NKAIN2: variants seen among roughly 807,000 people sequenced by gnomAD.
The protein encoded by NKAIN2 is sodium/potassium-transporting ATPase subunit beta-1-interacting protein 2.
NKAIN2 carries 14 observed loss-of-function variants against 32.6 expected under a neutral mutation model. That is an observed-to-expected ratio of 0.43 (90% CI 0.28 to 0.67). The LOEUF (loss-of-function observed/expected upper bound fraction) is 0.67. Among genes scored for constraint, NKAIN2 ranks in the 30% least tolerant of loss-of-function variants. The pLI is 0.17. For synonymous variants in NKAIN2, 80 were observed against 87.2 expected, an observed-to-expected ratio of 0.92 and a Z score of 0.46; for missense variants, 198 against 258.3, an observed-to-expected ratio of 0.77 and a Z score of 1.60.
chr6:124,516,533 T>C (rs1161648193), intron 3 of NKAIN2, among the ~76,000 whole-genome samples: 3 of 152,188 alleles, frequency 2.0e-5, no homozygotes, highest in Non-Finnish European at 1.5e-5. Flanking sequence ...TTCATGAAGA[T>C]TGTAAAATCA....
At chr6:124,110,342 G>T in intron 1 of NKAIN2, among the ~76,000 whole-genome samples, 1 of 151,770 alleles carries the variant, frequency 6.6e-6, no homozygotes. Flanking sequence ...CTCATAATAA[G>T]GAAAAATTGT....
chr6:123,824,427 G>C (rs1326827057), intron 1 of NKAIN2, among the ~76,000 whole-genome samples: 22 of 152,188 alleles, frequency 1.4e-4, no homozygotes, highest in East Asian at 1.9e-4. Context: ...ACATTACCTA[G>C]TAAAAACTAA....
At chr6:123,946,933 C>T (rs958554373) in intron 1 of NKAIN2, among the ~76,000 whole-genome samples, 7 of 152,124 alleles carry the variant, frequency 4.6e-5, no homozygotes, top group South Asian at 4.1e-4. Flanking sequence ...TACTGGGAAA[C>T]GATCATTCAA....
At chr6:123,868,372 T>A in intron 1 of NKAIN2, among the ~76,000 whole-genome samples, 1 of 152,184 alleles carries the variant, frequency 6.6e-6, no homozygotes, top group African/African-American at 2.4e-5. Context: ...TATGCATAAA[T>A]TAAGCTTCAC....
At chr6:124,803,731 T>C (rs1419636652) in intron 5 of NKAIN2, among the ~76,000 whole-genome samples, 2 of 152,152 alleles carry the variant, frequency 1.3e-5, no homozygotes, top group Non-Finnish European at 2.9e-5. Flanking sequence ...TATAAAATTT[T>C]AGTAAATTCT....
chr6:124,202,410 G>A (rs1790637021), intron 1 of NKAIN2, among the ~76,000 whole-genome samples: 1 of 151,822 alleles, frequency 6.6e-6, no homozygotes, highest in Admixed American at 6.6e-5. Context: ...GGAGTTAGGT[G>A]AGCATATTAA....
At chr6:124,426,735 C>T (rs1163627290) in intron 3 of NKAIN2, among the ~76,000 whole-genome samples, 2 of 152,038 alleles carry the variant, frequency 1.3e-5, no homozygotes, top group African/African-American at 2.4e-5. Flanking sequence ...ATTATAGCTC[C>T]CATAATTCCC....
At chr6:124,308,089 G>A (rs1225423498) in intron 2 of NKAIN2, among the ~76,000 whole-genome samples, 1 of 152,042 alleles carries the variant, frequency 6.6e-6, no homozygotes, top group Non-Finnish European at 1.5e-5. Context: ...CTGTCATCTA[G>A]GTTTTAAGCC....
At chr6:124,384,078 A>G (rs1338996252) in intron 3 of NKAIN2, among the ~76,000 whole-genome samples, 1 of 152,178 alleles carries the variant, frequency 6.6e-6, no homozygotes, top group Admixed American at 6.5e-5. Context: ...ATTCTCTAGG[A>G]ACATAATAGA....
chr6:123,927,968 C>A (rs1026640445), intron 1 of NKAIN2, among the ~76,000 whole-genome samples: 1 of 152,032 alleles, frequency 6.6e-6, no homozygotes, highest in Admixed American at 6.6e-5. Context: ...ACCATGAGCC[C>A]AGTTCAAGCT....
chr6:124,336,635 T>C (rs192799965), intron 2 of NKAIN2, among the ~76,000 whole-genome samples: 1 of 152,140 alleles, frequency 6.6e-6, no homozygotes, highest in African/African-American at 2.4e-5. Context: ...TTTTCTTATG[T>C]GTAGCCAAAA....
chr6:124,076,244 A>G (rs1783690596), intron 1 of NKAIN2, among the ~76,000 whole-genome samples: 1 of 152,216 alleles, frequency 6.6e-6, no homozygotes, highest in Admixed American at 6.5e-5. Flanking sequence ...ACAGCAATAA[A>G]GTTTCCCAGG....
At chr6:124,579,555 A>C (rs2325854) in intron 3 of NKAIN2, among the ~76,000 whole-genome samples, 24,985 of 152,110 alleles carry the variant, frequency 0.16, 2,375 homozygotes, top group African/African-American at 0.25. Context: ...CAGAGCAGAC[A>C]AAAGAATTAA....
chr6:124,413,639 G>T (rs902564627), intron 3 of NKAIN2, among the ~76,000 whole-genome samples: 2 of 152,078 alleles, frequency 1.3e-5, no homozygotes, highest in East Asian at 1.9e-4. Context: ...AAAGTTTGGG[G>T]GAACTGACAT....
intron 3 of NKAIN2, among the ~76,000 whole-genome samples, chr6:124,628,993 A>T (rs1464282652): frequency 6.6e-6 from 1 of 152,134 alleles, no homozygotes; most frequent in East Asian, 1.9e-4. Flanking sequence ...AGTGTGAATG[A>T]GCTGAGTGTG....
Position 124,435,203 on chromosome 6 carries a change from G to A in NKAIN2, c.273+79856G>A, listed in dbSNP as rs1400487359. On this transcript the variant is annotated intron_variant, in intron 3 of 6. Transcript: ENST00000368417. ...TATGGCATGCAAACATCTTGAGAAG[G>A]TGCGTTCCCAGACAAGAAATAGCTA... is the stretch of plus-strand genomic sequence containing the variant. 8.0e-4 allele frequency among the ~76,000 whole-genome samples: 122 copies of A among 152,078 alleles called. 2 individuals are homozygous for A. Among genetic ancestry groups the A allele is most frequent in the Admixed American group, 8.0e-3 (122 of 15,248 alleles).
chr6:124,641,530 C>CTTTTTTTTTTTGTTTTT (rs1783988517), intron 3 of NKAIN2, among the ~76,000 whole-genome samples: 1 of 19,500 alleles, frequency 5.1e-5, no homozygotes, highest in African/African-American at 1.6e-4. Context: ...AAAACACTAG[C>CTTTTTTTTTTTGTTTTT]TTTTTTTTTT....
intron 1 of NKAIN2, among the ~76,000 whole-genome samples, chr6:123,815,936 G>A (rs74516362): frequency 0.019 from 2,881 of 152,102 alleles, 39 homozygotes; most frequent in East Asian, 0.036. Context: ...TAGATATACC[G>A]TTAATATAGG....
intron 4 of NKAIN2, among the ~76,000 whole-genome samples, chr6:124,697,139 A>C (rs2114556219): frequency 6.6e-6 from 1 of 152,314 alleles, no homozygotes; most frequent in African/African-American, 2.4e-5. Flanking sequence ...ATAATCATTA[A>C]GGGTCTAAGA....
Sources: gnomAD v4.1 joint callset for allele counts (sites outside exome capture counted in the v4.1 genomes callset) on GRCh38, gnomAD v4.1.1 for gene constraint, MANE v1.5 for transcripts, NCBI Gene and HGNC (gene_info 2026-07-23, HGNC 2026-07-21) for gene names.